Variants in UNC79 observed in about 807,000 individuals in gnomAD.
UNC79 encodes the protein unc-79 subunit of NALCN channel complex.
In UNC79, 37 loss-of-function variants were observed where a neutral mutation model predicts 283.1. The ratio of observed to expected loss-of-function variants is 0.13; its 90% CI spans 0.10 to 0.17. The LOEUF (loss-of-function observed/expected upper bound fraction) is 0.17. Among genes scored for constraint, UNC79 ranks in the 10% least tolerant of loss-of-function variants. UNC79 has a pLI of 1.00. For missense variants in UNC79, 2,272 were observed against 3,211.1 expected, an observed-to-expected ratio of 0.71 and a Z score of 7.07; for synonymous variants, 1,107 against 1,200.2, an observed-to-expected ratio of 0.92 and a Z score of 1.61.
exon 7 of UNC79, chr14:93,497,176 C>T (rs765285194): frequency 5.0e-6 from 8 of 1,612,004 alleles, no homozygotes; most frequent in Non-Finnish European, 6.8e-6. Context: ...TATGTGATTG[C>T]GTATGGGCCT....
At chr14:93,455,804 C>T (rs2056779439) in intron 1 of UNC79, among the ~76,000 whole-genome samples, 1 of 152,088 alleles carries the variant, frequency 6.6e-6, no homozygotes, top group Non-Finnish European at 1.5e-5. Context: ...AAGTTCATGA[C>T]TTTATCCACG....
chr14:93,598,211 G>T (rs984963771), intron 24 of UNC79, among the ~76,000 whole-genome samples: 2 of 151,764 alleles, frequency 1.3e-5, no homozygotes, highest in Admixed American at 1.3e-4. Flanking sequence ...GGCTCGTCTT[G>T]AACTCCTGGC....
At chr14:93,433,640 C>T (rs2055967124) in intron 1 of UNC79, among the ~76,000 whole-genome samples, 2 of 152,076 alleles carry the variant, frequency 1.3e-5, no homozygotes. Context: ...TGCACATTAC[C>T]ACTTTCCTAA....
chr14:93,600,718 T>C (rs1369503514), exon 25 of UNC79: 1 of 1,613,872 alleles, frequency 6.2e-7, no homozygotes, highest in Non-Finnish European at 8.5e-7. Context: ...AGACGCTTTC[T>C]TTGGAAGCCC....
At chr14:93,479,416 G>A (rs1225410432) in intron 4 of UNC79, among the ~76,000 whole-genome samples, 1 of 152,136 alleles carries the variant, frequency 6.6e-6, no homozygotes, top group Non-Finnish European at 1.5e-5. Context: ...TCCTGCCTCA[G>A]CCTCCCAAAT....
intron 1 of UNC79, among the ~76,000 whole-genome samples, chr14:93,460,094 C>T (rs1179717053): frequency 6.4e-5 from 8 of 125,288 alleles, no homozygotes; most frequent in Non-Finnish European, 1.3e-4. Context: ...TTTGGGAGGC[C>T]AAGGCGGGCG....
intron 1 of UNC79, among the ~76,000 whole-genome samples, chr14:93,385,412 T>G (rs903640735): frequency 6.6e-6 from 1 of 152,204 alleles, no homozygotes; most frequent in African/African-American, 2.4e-5. Flanking sequence ...TCCTATTTTA[T>G]CTTATTCATA....
intron 26 of UNC79, among the ~76,000 whole-genome samples, chr14:93,606,438 AT>A (rs562369808): frequency 1.1e-3 from 166 of 152,304 alleles, no homozygotes; most frequent in African/African-American, 3.8e-3. Context: ...GTAGGGTTCC[AT>A]TTTTGCATTA....
chr14:93,520,008 T>C (rs1052335071), intron 7 of UNC79, among the ~76,000 whole-genome samples: 1 of 151,950 alleles, frequency 6.6e-6, no homozygotes, highest in Non-Finnish European at 1.5e-5. Flanking sequence ...CTTTATGCCT[T>C]TGTGTAAATT....
chr14:93,674,825 A>T (rs1481064126), intron 41 of UNC79, among the ~76,000 whole-genome samples: 1 of 152,212 alleles, frequency 6.6e-6, no homozygotes, highest in Non-Finnish European at 1.5e-5. Flanking sequence ...GGCTTGCCCA[A>T]GACCACGGTG....
intron 2 of UNC79, among the ~76,000 whole-genome samples, chr14:93,468,033 TC>T (rs2057306451): frequency 6.6e-6 from 1 of 152,128 alleles, no homozygotes; most frequent in Non-Finnish European, 1.5e-5. Context: ...TTTCAGGGCA[TC>T]TTTAAAATGA....
In UNC79 at chr14:93,367,203, T is replaced by TA. The variant is rs1370418559; in HGVS notation, c.-351+33687dup. Among the ~76,000 whole-genome samples, 3 of 152,084 alleles carry TA rather than the reference T, an allele frequency of 2.0e-5. No homozygotes were observed. In the South Asian group the frequency reaches 6.2e-4, roughly 32 times the overall value. ...AGCAAAAATAAAAATAATAAAATAG[T>TA]AAAAAAAGAAATCTAAGGACGAGGA... On this transcript the variant is annotated intron_variant, in intron 1 of 49. Coordinates refer to the UNC79 transcript ENST00000256339.
chr14:93,405,976 A>T (rs911589789), intron 1 of UNC79, among the ~76,000 whole-genome samples: 2 of 152,140 alleles, frequency 1.3e-5, no homozygotes, highest in African/African-American at 4.8e-5. Flanking sequence ...TGGGACATTG[A>T]TCTTTAATGC....
At chr14:93,496,517 T>C (rs964259669) in intron 6 of UNC79, 51 bp downstream of exon 6, 1 of 1,317,660 alleles carries the variant, frequency 7.6e-7, no homozygotes, top group African/African-American at 1.5e-5. Context: ...ATTTGTATAA[T>C]ACAGTAAAAA....
At chr14:93,507,615 A>T (rs2059610416) in intron 7 of UNC79, among the ~76,000 whole-genome samples, 1 of 152,118 alleles carries the variant, frequency 6.6e-6, no homozygotes, top group Admixed American at 6.6e-5. Context: ...GATACAAGTC[A>T]TTTGTCAGAT....
chr14:93,607,037 G>A (rs2065934334), intron 26 of UNC79, among the ~76,000 whole-genome samples: 1 of 152,146 alleles, frequency 6.6e-6, no homozygotes, highest in Non-Finnish European at 1.5e-5. Context: ...TAGGAATTCA[G>A]CACCTTCATT....
intron 41 of UNC79, 112 bp downstream of exon 44, chr14:93,673,567 T>C: frequency 1.3e-6 from 1 of 784,512 alleles, no homozygotes; most frequent in South Asian, 2.0e-5. Context: ...TTAGAGATGA[T>C]AAATAATATA....
chr14:93,393,600 T>G (rs1238245119), intron 1 of UNC79, among the ~76,000 whole-genome samples: 1 of 152,166 alleles, frequency 6.6e-6, no homozygotes, highest in Non-Finnish European at 1.5e-5. Flanking sequence ...AGAAACACAG[T>G]CAAGTGAACA....
At chr14:93,411,405 G>A (rs764084400) in intron 1 of UNC79, among the ~76,000 whole-genome samples, 8 of 152,200 alleles carry the variant, frequency 5.3e-5, no homozygotes, top group Admixed American at 3.3e-4. Flanking sequence ...AAGCCTAGCT[G>A]GCTTCCCTGC....
Sources: gnomAD v4.1 joint callset for allele counts (sites outside exome capture counted in the v4.1 genomes callset) on GRCh38, gnomAD v4.1.1 for gene constraint, MANE v1.5 for transcripts, NCBI Gene and HGNC (gene_info 2026-07-23, HGNC 2026-07-21) for gene names.